Variants in KMT2C observed in about 807,000 individuals in gnomAD.
The protein encoded by KMT2C is histone-lysine N-methyltransferase 2C.
Under a neutral mutation model 507.9 loss-of-function variants are expected in KMT2C, and 88 were observed. That is an observed-to-expected ratio of 0.17 (90% CI 0.15 to 0.21). KMT2C has a LOEUF of 0.21. Ranked by LOEUF, KMT2C falls within the 10% of genes least tolerant of loss-of-function variation. The pLI, the probability that KMT2C is intolerant of heterozygous loss-of-function variation, is 1.00. For missense variants in KMT2C, 4,954 were observed against 5,957.8 expected, an observed-to-expected ratio of 0.83 and a Z score of 5.55; for synonymous variants, 2,049 against 2,080.8, an observed-to-expected ratio of 0.98 and a Z score of 0.42.
chr7:152,366,871 G>A, intron 1 of KMT2C: 1 of 327,892 alleles, frequency 3.0e-6, no homozygotes, highest in Non-Finnish European at 5.6e-6. Flanking sequence ...TGCAGAGCCG[G>A]GCGCAGCAAG....
At chr7:152,426,358 C>T (rs561111133) in intron 1 of KMT2C, among the ~76,000 whole-genome samples, 14 of 151,702 alleles carry the variant, frequency 9.2e-5, no homozygotes, top group African/African-American at 3.1e-4. Context: ...CCATCTCAGC[C>T]TCCCAAGTAA....
At chr7:152,250,828 G>T (rs749917684) in intron 12 of KMT2C, 25 bp downstream of exon 12, 3 of 1,212,432 alleles carry the variant, frequency 2.5e-6, no homozygotes, top group Non-Finnish European at 2.4e-6. Flanking sequence ...TTCAAAAACA[G>T]AGTATATCCA....
chr7:152,274,530 G>A lies in KMT2C; in HGVS notation c.850-663C>T, dbSNP rs549564944. Among the ~76,000 whole-genome samples, 12 of 152,340 alleles carry A rather than the reference G, an allele frequency of 7.9e-5. No homozygotes were observed. The East Asian group carries it at 2.3e-3, about 29-fold the overall frequency. On this transcript the variant is annotated intron_variant, in intron 6 of 58. Transcript: ENST00000262189. ...ACGCACAGAAATAAGCCCCAAACAAGAGGGGCAGTCTAGGGCAAGTGAACA... is the reference window on the plus strand; with the variant it reads ...ACGCACAGAAATAAGCCCCAAACAAAAGGGGCAGTCTAGGGCAAGTGAACA...
intron 1 of KMT2C, among the ~76,000 whole-genome samples, chr7:152,427,435 A>G (rs1287244886): frequency 6.6e-6 from 1 of 152,208 alleles, no homozygotes. Flanking sequence ...CTGCTTTACA[A>G]CTTTTGGAAA....
chr7:152,234,259 G>A (rs554054289), intron 16 of KMT2C, among the ~76,000 whole-genome samples: 8 of 152,240 alleles, frequency 5.3e-5, no homozygotes, highest in African/African-American at 1.2e-4. Flanking sequence ...GCAGGCACCT[G>A]TAATCCCAGC....
At chr7:152,293,633 A>G (rs930805135) in intron 6 of KMT2C, among the ~76,000 whole-genome samples, 14 of 152,164 alleles carry the variant, frequency 9.2e-5, no homozygotes, top group Admixed American at 9.2e-4. Flanking sequence ...AAAGAATACC[A>G]CCCACCTCAT....
At position 152,138,468 on chromosome 7, in the gene KMT2C, C is replaced by A. The variant is rs2090138247; in HGVS notation, c.14643+328G>T. 4.9e-6 allele frequency: 1 copy of A among 206,060 alleles called. No individual in the cohort carries two copies. Among genetic ancestry groups the A allele is most frequent in the Non-Finnish European group, 9.9e-6 (1 of 101,174 alleles). The allele number at this position is 206,060 out of a possible 1,614,324, so 12.8% of individuals were successfully genotyped here. Reference sequence around the variant, plus strand: ...GGGATGCTCTTCAGAGGGGACACTGCCAAACTGTGTCCAGGTTAAGGGGAT... The same window carrying A: ...GGGATGCTCTTCAGAGGGGACACTGACAAACTGTGTCCAGGTTAAGGGGAT... On this transcript the variant is annotated intron_variant, in intron 58 of 58. Coordinates refer to ENST00000262189, the MANE Select transcript of KMT2C (RefSeq NM_170606.3). This position sits in a 1 kb window ranked among gnomAD's most constrained non-coding sequence, Gnocchi z 4.2.
chr7:152,211,998 A>C (rs931155231), intron 23 of KMT2C, among the ~76,000 whole-genome samples: 4 of 152,324 alleles, frequency 2.6e-5, no homozygotes, highest in Non-Finnish European at 5.9e-5. Flanking sequence ...CAGTGAGCCG[A>C]GATTGCGCCA....
rs556980889 is a variant in KMT2C at position 152,421,799 on chromosome 7, T to A, written c.161+13827A>T. On this transcript the variant is annotated intron_variant, in intron 1 of 58. Transcript: ENST00000262189. ...CCTACTGGGTACTATGCTCACTATC[T>A]GAGTGACAAAATGATTTGTGCTCTA... 2.4e-3 allele frequency among the ~76,000 whole-genome samples: 370 copies of A among 152,252 alleles called. 4 individuals are homozygous for A. The highest frequency in any genetic ancestry group is 3.5e-3 in the Non-Finnish European group (241 of 68,026).
At position 152,181,513 on chromosome 7, in the gene KMT2C, A is replaced by G. The variant is rs1003561202; in HGVS notation, c.6347T>C (p.Phe2116Ser). The G allele has an allele frequency of 1.9e-5, 30 of 1,614,094 alleles. No individual in the cohort carries two copies. The highest frequency in any genetic ancestry group is 2.5e-5 in the Non-Finnish European group (30 of 1,180,006). Residue 2116 changes from phenylalanine to serine, a missense_variant, in exon 36 of 59, where the codon TTT (phenylalanine) becomes TCT (serine). Coordinates refer to ENST00000262189, the MANE Select transcript of KMT2C (RefSeq NM_170606.3). ...NESFAHPSRA[F>S]SQPGTISRPT... The stretch of plus-strand genomic sequence containing the variant: ...CCTTGATATGGTTCCAGGCTGGGAA[A>G]AAGCCCTTGAAGGATGGGCAAAAGA...
intron 3 of KMT2C, among the ~76,000 whole-genome samples, chr7:152,324,479 T>C (rs2096805879): frequency 6.6e-6 from 1 of 151,750 alleles, no homozygotes; most frequent in Non-Finnish European, 1.5e-5. Flanking sequence ...AAATAATAAA[T>C]GTATCATGAA....
chr7:152,143,673 G>A (rs2090827056), intron 55 of KMT2C, among the ~76,000 whole-genome samples: 1 of 152,176 alleles, frequency 6.6e-6, no homozygotes, highest in Non-Finnish European at 1.5e-5. Context: ...CGATGCTCCA[G>A]GTTGAAAGGG....
chr7:152,273,137 T>C (rs1337416782), intron 7 of KMT2C, among the ~76,000 whole-genome samples: 1 of 152,172 alleles, frequency 6.6e-6, no homozygotes, highest in Admixed American at 6.5e-5. Context: ...ACATTTTCAT[T>C]GAATTATAAA....
At chr7:152,302,100 A>C (rs1026847072) in intron 6 of KMT2C, among the ~76,000 whole-genome samples, 5 of 152,224 alleles carry the variant, frequency 3.3e-5, no homozygotes, top group African/African-American at 1.2e-4. Context: ...GGTTTTACAC[A>C]AAGACATCTG....
intron 1 of KMT2C, among the ~76,000 whole-genome samples, chr7:152,406,824 G>GT (rs10695950): frequency 2.3e-3 from 297 of 131,632 alleles, no homozygotes; most frequent in Middle Eastern, 9.2e-3. Flanking sequence ...CCAAAAAAGG[G>GT]TTTTTTTATT....
chr7:152,232,504 A>C (rs1045241807), intron 16 of KMT2C, among the ~76,000 whole-genome samples: 1 of 152,216 alleles, frequency 6.6e-6, no homozygotes, highest in Non-Finnish European at 1.5e-5. Flanking sequence ...AGGTTGAATC[A>C]TAAGAAATTG....
At chr7:152,332,442 C>T (rs2096892925) in intron 2 of KMT2C, among the ~76,000 whole-genome samples, 1 of 152,156 alleles carries the variant, frequency 6.6e-6, no homozygotes, top group Non-Finnish European at 1.5e-5. Flanking sequence ...CTTTCAAGCG[C>T]CTCTTCTCTG....
At chr7:152,220,838 T>TA in intron 22 of KMT2C, 103 bp from the exon 23 acceptor site, 1 of 786,244 alleles carries the variant, frequency 1.3e-6, no homozygotes, top group Non-Finnish European at 2.1e-6. Context: ...ACTGTAGTTC[T>TA]AGAAAGCAAT....
chr7:152,301,041 A>G (rs1199559479), intron 6 of KMT2C, among the ~76,000 whole-genome samples: 1 of 149,386 alleles, frequency 6.7e-6, no homozygotes, highest in Non-Finnish European at 1.5e-5. Context: ...CTGGTGACAG[A>G]GGGAAACTTC....
Sources: gnomAD v4.1 joint callset for allele counts (sites outside exome capture counted in the v4.1 genomes callset) on GRCh38, gnomAD v4.1.1 for gene constraint, Gnocchi (gnomAD v3.1) non-coding constraint, MANE v1.5 for transcripts, NCBI Gene and HGNC (gene_info 2026-07-23, HGNC 2026-07-21) for gene names.